Variants in KCNJ3 observed in about 807,000 individuals in gnomAD.
KCNJ3 encodes potassium inwardly rectifying channel subfamily J member 3.
KCNJ3 carries 4 observed loss-of-function variants against 39.2 expected under a neutral mutation model. That is an observed-to-expected ratio of 0.10 (90% CI 0.05 to 0.23). KCNJ3 has a LOEUF of 0.23. KCNJ3 is among the 10% of genes least tolerant of loss of function. KCNJ3 has a pLI of 1.00. For synonymous variants in KCNJ3, 230 were observed against 237.4 expected (o/e 0.97, Z 0.29); for missense variants, 276 against 634.9 (o/e 0.43, Z 6.08).
At chr2:154,734,706 A>AGAT (rs1685496573) in intron 2 of KCNJ3, among the ~76,000 whole-genome samples, 1 of 152,064 alleles carries the variant, frequency 6.6e-6, no homozygotes, top group Non-Finnish European at 1.5e-5. Context: ...GTGAGGGAGG[A>AGAT]GATGGAGAGA....
At chr2:154,748,827 T>C (rs1363270745) in intron 2 of KCNJ3, among the ~76,000 whole-genome samples, 1 of 152,080 alleles carries the variant, frequency 6.6e-6, no homozygotes, top group African/African-American at 2.4e-5. Flanking sequence ...TGTCTAATCT[T>C]TGGAGATCAG....
chr2:154,841,719 CAT>C (rs1206053350), intron 2 of KCNJ3, among the ~76,000 whole-genome samples: 1 of 151,982 alleles, frequency 6.6e-6, no homozygotes, highest in Non-Finnish European at 1.5e-5. Context: ...AGTTTTTTTG[CAT>C]AGAGGTGTTT....
At chr2:154,735,835 T>C (rs181558628) in intron 2 of KCNJ3, among the ~76,000 whole-genome samples, 99 of 152,326 alleles carry the variant, frequency 6.5e-4, no homozygotes, top group African/African-American at 2.2e-3. Context: ...TCCTGCCCTA[T>C]AGTTTTCAAA....
chr2:154,756,488 C>T (rs936715253), intron 2 of KCNJ3, among the ~76,000 whole-genome samples: 1 of 151,908 alleles, frequency 6.6e-6, no homozygotes, highest in Non-Finnish European at 1.5e-5. Context: ...AGTGTTGTGT[C>T]CTAATGTTAT....
intron 2 of KCNJ3, among the ~76,000 whole-genome samples, chr2:154,827,535 G>T (rs1399334337): frequency 6.6e-6 from 1 of 152,040 alleles, no homozygotes; most frequent in East Asian, 1.9e-4. Context: ...CAAGTAGGAA[G>T]AGACAGGGAC....
chr2:154,728,354 G>C (rs978180711), intron 2 of KCNJ3, among the ~76,000 whole-genome samples: 1 of 152,032 alleles, frequency 6.6e-6, no homozygotes, highest in Non-Finnish European at 1.5e-5. Context: ...CCAATACTTT[G>C]CTCTAGTGCT....
intron 2 of KCNJ3, among the ~76,000 whole-genome samples, chr2:154,800,137 G>T (rs1181325870): frequency 6.6e-6 from 1 of 152,128 alleles, no homozygotes; most frequent in Non-Finnish European, 1.5e-5. Flanking sequence ...GTACATGTTG[G>T]TCCATTTGCA....
chr2:154,763,321 G>A (rs1686076644), intron 2 of KCNJ3, among the ~76,000 whole-genome samples: 1 of 152,074 alleles, frequency 6.6e-6, no homozygotes, highest in South Asian at 2.1e-4. Flanking sequence ...TCTAGGTGGG[G>A]CTGTAGTTTT....
At chr2:154,844,261 G>C (rs1339607445) in intron 2 of KCNJ3, among the ~76,000 whole-genome samples, 1 of 152,190 alleles carries the variant, frequency 6.6e-6, no homozygotes, top group Non-Finnish European at 1.5e-5. Flanking sequence ...GTTTGCCTGG[G>C]TGTCACCAGC....
intron 2 of KCNJ3, among the ~76,000 whole-genome samples, chr2:154,845,259 G>GAGAC (rs1427510584): frequency 4.6e-5 from 7 of 152,014 alleles, no homozygotes; most frequent in Non-Finnish European, 1.0e-4. Flanking sequence ...GCTGGGATTA[G>GAGAC]AGACATGTGC....
chr2:154,735,701 T>G (rs1685518998), intron 2 of KCNJ3, among the ~76,000 whole-genome samples: 1 of 152,232 alleles, frequency 6.6e-6, no homozygotes, highest in Non-Finnish European at 1.5e-5. Flanking sequence ...TTAACAATTG[T>G]TCTGAAATGT....
At chr2:154,746,998 G>A (rs1685756503) in intron 2 of KCNJ3, among the ~76,000 whole-genome samples, 1 of 151,820 alleles carries the variant, frequency 6.6e-6, no homozygotes, top group Non-Finnish European at 1.5e-5. Flanking sequence ...ACTTCTTACT[G>A]TTGCTGTTGA....
At chr2:154,834,176 T>A (rs1367584012) in intron 2 of KCNJ3, among the ~76,000 whole-genome samples, 2 of 152,206 alleles carry the variant, frequency 1.3e-5, no homozygotes, top group Admixed American at 6.5e-5. Flanking sequence ...TGAGAGTTCT[T>A]GTGATTCCAT....
At chr2:154,775,176 CA>C (rs1227945373) in intron 2 of KCNJ3, among the ~76,000 whole-genome samples, 9 of 152,176 alleles carry the variant, frequency 5.9e-5, no homozygotes, top group African/African-American at 2.2e-4. Flanking sequence ...CTCAGCCTTC[CA>C]AAGTGCTGGG....
At chr2:154,825,172 A>G (rs968593790) in intron 2 of KCNJ3, among the ~76,000 whole-genome samples, 11 of 152,010 alleles carry the variant, frequency 7.2e-5, no homozygotes, top group African/African-American at 2.7e-4. Context: ...CTTCCTCCCA[A>G]CTTACCCTTT....
In KCNJ3 at chr2:154,857,407, C is replaced by T. The variant is rs1274803467; in HGVS notation, c.*2094C>T. On this transcript the variant is annotated 3_prime_UTR_variant, in exon 3 of 3. Coordinates refer to ENST00000295101, the MANE Select transcript of KCNJ3 (RefSeq NM_002239.4). ...AAAACAAACTCTCCAAGTATATTCA[C>T]ACATTCAACAAAATTTTTGCATGCC... 3.9e-5 allele frequency: 6 copies of T among 152,110 alleles called. No individual in the cohort carries two copies. Among genetic ancestry groups the T allele is most frequent in the African/African-American group, 1.4e-4 (6 of 41,414 alleles). 9.4% of individuals were successfully genotyped at this position (152,110 alleles called of 1,614,324 possible).
At chr2:154,764,012 G>C (rs899043693) in intron 2 of KCNJ3, among the ~76,000 whole-genome samples, 4 of 152,120 alleles carry the variant, frequency 2.6e-5, no homozygotes, top group African/African-American at 4.8e-5. Flanking sequence ...AAATTAGGAT[G>C]TTGCTGATTA....
chr2:154,844,911 C>T (rs541176227), intron 2 of KCNJ3, among the ~76,000 whole-genome samples: 4 of 152,228 alleles, frequency 2.6e-5, no homozygotes, highest in South Asian at 2.1e-4. Flanking sequence ...CTGGGTGAGG[C>T]GACGCCTTGC....
intron 2 of KCNJ3, among the ~76,000 whole-genome samples, chr2:154,815,305 T>G (rs2105105058): frequency 6.6e-6 from 1 of 152,278 alleles, no homozygotes; most frequent in East Asian, 1.9e-4. Flanking sequence ...GTATAGACAA[T>G]ACTCAGGAAT....
Sources: allele counts gnomAD v4.1 joint callset (sites outside exome capture counted in the v4.1 genomes callset), GRCh38; gene constraint gnomAD v4.1.1; transcripts MANE v1.5; gene names NCBI Gene and HGNC (gene_info 2026-07-23, HGNC 2026-07-21).